INTS8: variants seen among roughly 807,000 people sequenced by gnomAD.
INTS8 encodes the protein integrator complex subunit 8.
In INTS8, 47 loss-of-function variants were observed where a neutral mutation model predicts 138.9. The ratio of observed to expected loss-of-function variants is 0.34; its 90% CI spans 0.27 to 0.43. The LOEUF (loss-of-function observed/expected upper bound fraction) is 0.43, where lower values mean the gene tolerates loss of function less well. INTS8 is among the 20% of genes least tolerant of loss of function. The pLI is 1.00. For missense variants in INTS8, 996 were observed against 1,173.0 expected, an observed-to-expected ratio of 0.85 and a Z score of 2.20; for synonymous variants, 392 against 400.9, an observed-to-expected ratio of 0.98 and a Z score of 0.27.
chr8:94,834,189 T>A (rs1193277444), intron 6 of INTS8, among the ~76,000 whole-genome samples: 2 of 152,186 alleles, frequency 1.3e-5, no homozygotes, highest in Non-Finnish European at 1.5e-5. Flanking sequence ...ATTATCAGGC[T>A]TTTTTGTTTT....
chr8:94,857,165 C>G (rs762092573), intron 15 of INTS8, among the ~76,000 whole-genome samples, 187 bp downstream of exon 15: 1 of 151,072 alleles, frequency 6.6e-6, no homozygotes, highest in Non-Finnish European at 1.5e-5. Flanking sequence ...CTCTGCCTCC[C>G]GGGTTAAAGT....
At position 94,859,715 on chromosome 8, in the gene INTS8, T is replaced by C. The variant is rs1586509139; in HGVS notation, c.2076+83T>C. ...AACTTTATACTACTTTGGGAACTTG[T>C]CTAATTTCTGTGATACAAATGATTG... On this transcript the variant is annotated intron_variant, in intron 16 of 26. Transcript: ENST00000523731. 6 of 1,131,378 alleles carry C rather than the reference T, an allele frequency of 5.3e-6. No individual in the cohort carries two copies. In the East Asian group the frequency reaches 1.5e-4, roughly 28 times the overall value. 70.1% of individuals were successfully genotyped at this position (1,131,378 alleles called of 1,614,324 possible). A position where few individuals can be genotyped will look rare whatever the true frequency, so the allele number is the denominator to read the frequency against.
chr8:94,827,659 G>T, intron 3 of INTS8, 63 bp from the exon 4 acceptor site: 1 of 1,397,700 alleles, frequency 7.2e-7, no homozygotes, highest in East Asian at 2.3e-5. Flanking sequence ...AGGAGTACTT[G>T]AAAAAATAAT....
chr8:94,867,122 G>T lies in INTS8; in HGVS notation c.2296-18G>T. The T allele has an allele frequency of 6.3e-7, 1 of 1,577,516 alleles. No homozygotes were observed. Among genetic ancestry groups the T allele is most frequent in the Non-Finnish European group, 8.7e-7 (1 of 1,154,576 alleles). ...TATACATACACTGTTTAAGGATTCT[G>T]TGTTTTCTTTCTCATAGGAACCACT... On this transcript the variant is annotated intron_variant, in intron 18 of 26. Coordinates refer to ENST00000523731, the MANE Select transcript of INTS8 (RefSeq NM_017864.4).
intron 16 of INTS8, among the ~76,000 whole-genome samples, chr8:94,863,601 A>C (rs1816072687): frequency 6.6e-6 from 1 of 152,240 alleles, no homozygotes; most frequent in Admixed American, 6.5e-5. Flanking sequence ...CAGGGCAGTT[A>C]ATTTTTATGT....
intron 26 of INTS8, among the ~76,000 whole-genome samples, chr8:94,879,244 A>T (rs1300476617): frequency 6.6e-6 from 1 of 152,188 alleles, no homozygotes; most frequent in Non-Finnish European, 1.5e-5. Context: ...ATACCTGACG[A>T]TCATATCTGA....
intron 20 of INTS8, among the ~76,000 whole-genome samples, chr8:94,870,718 G>C (rs60598395): frequency 2.6e-5 from 4 of 152,028 alleles, no homozygotes; most frequent in African/African-American, 9.7e-5. Context: ...CACTGTACTG[G>C]GCTCTGGTGA....
chr8:94,853,056 A>C (rs1351133141), intron 13 of INTS8, among the ~76,000 whole-genome samples: 1 of 152,160 alleles, frequency 6.6e-6, no homozygotes, highest in Non-Finnish European at 1.5e-5. Context: ...CATTGCCTGT[A>C]ATCCCAGCAC....
intron 13 of INTS8, among the ~76,000 whole-genome samples, chr8:94,852,535 A>G (rs1418476021): frequency 1.3e-5 from 2 of 152,124 alleles, no homozygotes; most frequent in Non-Finnish European, 2.9e-5. Context: ...AACTAACTAC[A>G]TACTTACTCC....
In INTS8 at chr8:94,829,090, C is replaced by G. The variant is rs944793875; in HGVS notation, c.570+64C>G. On this transcript the variant is annotated intron_variant, in intron 5 of 26. Coordinates refer to ENST00000523731, the MANE Select transcript of INTS8 (RefSeq NM_017864.4). ...ACAACTTTAGAGCAGCAGTTCCCAA[C>G]CTTTTTGGCACCAGGGACTGGTTTT... 2.5e-6 allele frequency: 3 copies of G among 1,219,288 alleles called. No homozygotes were observed. In the African/African-American group the frequency reaches 4.6e-5, roughly 19 times the overall value. 75.5% of individuals were successfully genotyped at this position (1,219,288 alleles called of 1,614,324 possible). A position where few individuals can be genotyped will look rare whatever the true frequency, so the allele number is the denominator to read the frequency against.
At chr8:94,869,529 G>C (rs1816310823) in intron 20 of INTS8, among the ~76,000 whole-genome samples, 2 of 151,922 alleles carry the variant, frequency 1.3e-5, no homozygotes, top group African/African-American at 4.8e-5. Context: ...GTCTTGCTCT[G>C]TTGCCCAGGC....
chr8:94,876,300 A>G lies in INTS8; in HGVS notation c.2827+15A>G, dbSNP rs746717384. On this transcript the variant is annotated intron_variant, in intron 25 of 26. Transcript: ENST00000523731. ...ATACTTGACTTGTATCCTTTCATCC[A>G]TGTGTGTGATGTTAGAATGATCCAT... 1.9e-6 allele frequency: 3 copies of G among 1,584,978 alleles called. No individual in the cohort carries two copies. Among genetic ancestry groups the G allele is most frequent in the Middle Eastern group, 1.7e-4 (1 of 5,926 alleles).
intron 1 of INTS8, among the ~76,000 whole-genome samples, chr8:94,824,553 A>T (rs1814409119): frequency 6.6e-6 from 1 of 152,138 alleles, no homozygotes; most frequent in Non-Finnish European, 1.5e-5. Flanking sequence ...TTTATATCTC[A>T]TTCTTCTAAT....
At chr8:94,857,793 G>A (rs145245407) in intron 15 of INTS8, among the ~76,000 whole-genome samples, 77 of 152,312 alleles carry the variant, frequency 5.1e-4, no homozygotes, top group Admixed American at 1.1e-3. Flanking sequence ...CTTCATCATA[G>A]CTAATTACAT....
chr8:94,881,319 T>A lies in INTS8; in HGVS notation c.*1085T>A, dbSNP rs1816800590. The A allele has an allele frequency of 8.0e-6, 3 of 375,880 alleles. No individual in the cohort carries two copies. The South Asian group carries it at 2.6e-4, about 33-fold the overall frequency. The allele number at this position is 375,880 out of a possible 1,614,324, so 23.3% of individuals were successfully genotyped here. ...TGACAAAATTCCTAGTTTATCAAGA[T>A]AAACACAGTAACACTGGATTAAAGG... On this transcript the variant is annotated 3_prime_UTR_variant, in exon 27 of 27. Coordinates refer to ENST00000523731, the MANE Select transcript of INTS8 (RefSeq NM_017864.4).
chr8:94,843,883 C>T (rs1431690106), intron 10 of INTS8, among the ~76,000 whole-genome samples: 1 of 152,112 alleles, frequency 6.6e-6, no homozygotes, highest in Non-Finnish European at 1.5e-5. Flanking sequence ...ATTGTCAGAT[C>T]GCCTGTGAGG....
intron 13 of INTS8, among the ~76,000 whole-genome samples, chr8:94,852,633 G>C (rs1815588732): frequency 6.6e-6 from 1 of 151,674 alleles, no homozygotes; most frequent in South Asian, 2.1e-4. Flanking sequence ...TTGTTGCCCA[G>C]GCTGGAGTGC....
rs767971534 is a variant in INTS8, at chr8:94,866,161, T to C, written c.2265T>C (p.Ser755=). The change falls in exon 18 of 27, where the codon AGT becomes AGC. Residue 755 remains serine (S), a synonymous_variant. Transcript: ENST00000523731. ...RESTLGIMYR[S]ELLSFIKKLR... ...TTCAAAAATTTTTGTTTTGTAGGAG[T>C]GAACTGCTTTCTTTTATCAAAAAAT... is the stretch of plus-strand genomic sequence containing the variant. The C allele has an allele frequency of 1.6e-6, 2 of 1,279,146 alleles. No homozygotes were observed. Among genetic ancestry groups the C allele is most frequent in the Admixed American group, 1.9e-5 (1 of 51,660 alleles). The allele number at this position is 1,279,146 out of a possible 1,614,324, so 79.2% of individuals were successfully genotyped here.
chr8:94,833,169 C>G (rs990702659), intron 6 of INTS8, among the ~76,000 whole-genome samples: 8 of 151,932 alleles, frequency 5.3e-5, no homozygotes, highest in Non-Finnish European at 8.8e-5. Context: ...TTTCCTTATT[C>G]GTATGAGTTG....
Sources: allele counts gnomAD v4.1 joint callset (sites outside exome capture counted in the v4.1 genomes callset), GRCh38; gene constraint gnomAD v4.1.1; transcripts MANE v1.5; gene names NCBI Gene and HGNC (gene_info 2026-07-23, HGNC 2026-07-21).